RNFT2: variants seen among roughly 807,000 people sequenced by gnomAD.
RNFT2 encodes the protein E3 ubiquitin-protein ligase RNFT2.
In RNFT2, 36 loss-of-function variants were observed where a neutral mutation model predicts 53.0. The observed-to-expected ratio is 0.68, with a 90% CI of 0.52 to 0.90. RNFT2 has a LOEUF of 0.90. Ranked by LOEUF, RNFT2 falls within the 40% of genes least tolerant of loss-of-function variation. RNFT2 has a pLI of 0.00. For missense variants in RNFT2, 514 were observed against 585.6 expected, an observed-to-expected ratio of 0.88 and a Z score of 1.26; for synonymous variants, 260 against 253.2, an observed-to-expected ratio of 1.03 and a Z score of -0.26.
chr12:116,776,113 C>G (rs534764166), intron 6 of RNFT2, among the ~76,000 whole-genome samples: 32 of 152,044 alleles, frequency 2.1e-4, no homozygotes, highest in Non-Finnish European at 2.4e-4. Context: ...TAAAATATAT[C>G]AGTCCATTAA....
At chr12:116,792,825 C>T (rs1374662976) in intron 7 of RNFT2, among the ~76,000 whole-genome samples, 1 of 152,214 alleles carries the variant, frequency 6.6e-6, no homozygotes, top group East Asian at 1.9e-4. Flanking sequence ...GGCACAGATG[C>T]TCTTTGCTGG....
chr12:116,841,786 TATATATAAATATATATATAA>T (rs1877272548), intron 10 of RNFT2, among the ~76,000 whole-genome samples: 9 of 94,450 alleles, frequency 9.5e-5, no homozygotes, highest in African/African-American at 4.0e-4. Flanking sequence ...TATAAATATA[TATATATAAATATATATATAA>T]ATATATATAT....
At chr12:116,795,761 T>G (rs553784556) in intron 7 of RNFT2, among the ~76,000 whole-genome samples, 49 of 152,282 alleles carry the variant, frequency 3.2e-4, no homozygotes, top group Middle Eastern at 3.4e-3. Context: ...ACAAGTCCCC[T>G]GTTCAGGGAG....
intron 3 of RNFT2, among the ~76,000 whole-genome samples, chr12:116,745,329 C>T (rs1871846167): frequency 6.6e-6 from 1 of 152,056 alleles, no homozygotes; most frequent in Non-Finnish European, 1.5e-5. Flanking sequence ...CATGCACCAC[C>T]ATGCCCGGCT....
intron 7 of RNFT2, among the ~76,000 whole-genome samples, chr12:116,796,694 G>A (rs962012867): frequency 6.6e-6 from 1 of 152,164 alleles, no homozygotes; most frequent in African/African-American, 2.4e-5. Flanking sequence ...CTTCGCTCCT[G>A]GAGGTCATAC....
intron 7 of RNFT2, among the ~76,000 whole-genome samples, chr12:116,794,311 G>A (rs1874380643): frequency 6.6e-6 from 1 of 151,726 alleles, no homozygotes; most frequent in Non-Finnish European, 1.5e-5. Flanking sequence ...TTAAAACCAG[G>A]CCAGGGCTGG....
intron 4 of RNFT2, among the ~76,000 whole-genome samples, chr12:116,750,675 C>T (rs907615092): frequency 1.3e-5 from 2 of 150,898 alleles, no homozygotes; most frequent in African/African-American, 4.9e-5. Context: ...TTTAACCTCT[C>T]TGTGCCTCAG....
intron 3 of RNFT2, among the ~76,000 whole-genome samples, chr12:116,742,525 C>T (rs1871661906): frequency 6.6e-6 from 1 of 152,114 alleles, no homozygotes; most frequent in Non-Finnish European, 1.5e-5. Context: ...ACTTGGCCGC[C>T]CAAGCTCCTG....
At chr12:116,778,923 C>CATA (rs1212377868) in intron 6 of RNFT2, among the ~76,000 whole-genome samples, 1 of 152,140 alleles carries the variant, frequency 6.6e-6, no homozygotes. Context: ...GTTATAGCAA[C>CATA]ACAAAAAAAG....
At position 116,852,477 on chromosome 12, in the gene RNFT2, G is replaced by T. The variant is rs1177217566; in HGVS notation, c.*3029G>T. 6.8e-7 allele frequency: 1 copy of T among 1,469,004 alleles called. No homozygotes were observed. Among genetic ancestry groups the T allele is most frequent in the East Asian group, 2.5e-5 (1 of 39,902 alleles). The allele number at this position is 1,469,004 out of a possible 1,614,324, so 91.0% of individuals were successfully genotyped here. On this transcript the variant is annotated 3_prime_UTR_variant, in exon 11 of 11. Transcript: ENST00000257575. ...TTCAAGCTCCGTTACTATGGCGATG[G>T]CCATGATGTTACAATCCCACTTGCC...
chr12:116,821,802 C>CTTTT lies in RNFT2; in HGVS notation c.883-11961_883-11958dup, dbSNP rs149043452. On this transcript the variant is annotated intron_variant, in intron 7 of 10. Coordinates refer to ENST00000257575, the MANE Select transcript of RNFT2 (RefSeq NM_001382266.1). ...TCCTCCTTTTTCTGACTACTTGTTTCTTTTTTTTTTTTTTTTTTTTTTTTT... is the reference window on the plus strand; with the variant it reads ...TCCTCCTTTTTCTGACTACTTGTTTCTTTTTTTTTTTTTTTTTTTTTTTTTTTTT... Among the ~76,000 whole-genome samples the CTTTT allele has an allele frequency of 3.6e-3, 157 of 43,930 alleles. 8 individuals are homozygous for CTTTT. The highest frequency in any genetic ancestry group is 8.1e-3 in the African/African-American group (79 of 9,784). 28.8% of individuals were successfully genotyped at this position (43,930 alleles called of 152,430 possible).
intron 3 of RNFT2, among the ~76,000 whole-genome samples, chr12:116,741,867 C>A (rs1252803736): frequency 6.6e-6 from 1 of 152,068 alleles, no homozygotes; most frequent in East Asian, 1.9e-4. Flanking sequence ...TCCAGACTGG[C>A]CTCAAACTCC....
At position 116,798,336 on chromosome 12, in the gene RNFT2, T is replaced by A. The variant is rs1874606664; in HGVS notation, c.882+18988T>A. 2.0e-5 allele frequency among the ~76,000 whole-genome samples: 3 copies of A among 152,210 alleles called. No individual in the cohort carries two copies. In the South Asian group the frequency reaches 6.2e-4, roughly 32 times the overall value. On this transcript the variant is annotated intron_variant, in intron 7 of 10. Coordinates refer to ENST00000257575, the MANE Select transcript of RNFT2 (RefSeq NM_001382266.1). ...ATTCTATATACAGCTCCCACGTTGC[T>A]TTTATTATCCATCTATCTTAGAGAT...
At chr12:116,828,939 A>G (rs1359657770) in intron 7 of RNFT2, among the ~76,000 whole-genome samples, 2 of 152,020 alleles carry the variant, frequency 1.3e-5, no homozygotes, top group Non-Finnish European at 2.9e-5. Context: ...CTTGAGCCCA[A>G]GAGATGGAGA....
chr12:116,833,385 C>G (rs1429647557), intron 7 of RNFT2, among the ~76,000 whole-genome samples: 2 of 152,222 alleles, frequency 1.3e-5, no homozygotes, highest in African/African-American at 4.8e-5. Flanking sequence ...GCCTGTGATG[C>G]TCGAGTCAGC....
intron 7 of RNFT2, among the ~76,000 whole-genome samples, chr12:116,807,616 C>A (rs1875143681): frequency 6.6e-6 from 1 of 152,106 alleles, no homozygotes; most frequent in African/African-American, 2.4e-5. Flanking sequence ...CTCGCACTCC[C>A]CTGACCCAGA....
intron 7 of RNFT2, among the ~76,000 whole-genome samples, chr12:116,828,775 GAAGA>G (rs949324467): frequency 7.2e-5 from 11 of 152,066 alleles, no homozygotes; most frequent in Non-Finnish European, 1.6e-4. Flanking sequence ...CAGATGGGTG[GAAGA>G]AAGAAAGGTA....
At chr12:116,807,749 A>C (rs1053157887) in intron 7 of RNFT2, among the ~76,000 whole-genome samples, 1 of 151,830 alleles carries the variant, frequency 6.6e-6, no homozygotes, top group African/African-American at 2.4e-5. Context: ...TCTTCCCTCA[A>C]CTACCCTGGT....
At chr12:116,767,918 C>A (rs1346467379) in intron 6 of RNFT2, among the ~76,000 whole-genome samples, 1 of 152,048 alleles carries the variant, frequency 6.6e-6, no homozygotes, top group African/African-American at 2.4e-5. Context: ...AATCTGGTAT[C>A]TTACATATAC....
Sources: gnomAD v4.1 joint callset for allele counts (sites outside exome capture counted in the v4.1 genomes callset) on GRCh38, gnomAD v4.1.1 for gene constraint, MANE v1.5 for transcripts, NCBI Gene and HGNC (gene_info 2026-07-23, HGNC 2026-07-21) for gene names.